CAMTA1: variants seen among roughly 807,000 people sequenced by gnomAD.
The protein encoded by CAMTA1 is calmodulin binding transcription activator 1, also known as calmodulin-binding transcription activator 1.
In CAMTA1, 27 loss-of-function variants were observed where a neutral mutation model predicts 170.9. The ratio of observed to expected loss-of-function variants is 0.16; its 90% CI spans 0.12 to 0.22. CAMTA1 has a LOEUF of 0.22. Among genes scored for constraint, CAMTA1 ranks in the 10% least tolerant of loss-of-function variants. CAMTA1 has a pLI of 1.00. For missense variants in CAMTA1, 1,619 were observed against 2,217.2 expected (o/e 0.73, Z 5.42); for synonymous variants, 833 against 891.5 (o/e 0.93, Z 1.17).
intron 3 of CAMTA1, among the ~76,000 whole-genome samples, chr1:7,004,460 A>T (rs1698685854): frequency 6.6e-6 from 1 of 152,092 alleles, no homozygotes; most frequent in Non-Finnish European, 1.5e-5. Context: ...GTCCCATTTT[A>T]TTGCTAGAAT....
chr1:7,666,935 C>G (rs1341209300), intron 9 of CAMTA1, among the ~76,000 whole-genome samples: 1 of 152,126 alleles, frequency 6.6e-6, no homozygotes, highest in Admixed American at 6.5e-5. Context: ...TTTGCCCAGG[C>G]TGGAGTGCAA....
At chr1:6,923,850 G>C (rs1258338029) in intron 3 of CAMTA1, among the ~76,000 whole-genome samples, 3 of 152,194 alleles carry the variant, frequency 2.0e-5, no homozygotes, top group Admixed American at 6.5e-5. Context: ...TCCTCTCTCT[G>C]AATCCCCTAG....
intron 6 of CAMTA1, among the ~76,000 whole-genome samples, chr1:7,511,956 A>C (rs1017673040): frequency 2.0e-5 from 3 of 152,176 alleles, no homozygotes; most frequent in Non-Finnish European, 4.4e-5. Flanking sequence ...AGGTTCCTAG[A>C]ATTTCTAATC....
At chr1:6,954,903 C>T (rs1689172842) in intron 3 of CAMTA1, among the ~76,000 whole-genome samples, 1 of 152,132 alleles carries the variant, frequency 6.6e-6, no homozygotes, top group Admixed American at 6.5e-5. Context: ...CTCCCCTTCT[C>T]AAGACCACCC....
In CAMTA1 at chr1:7,092,989, A is replaced by G. The variant is rs1641659040; in HGVS notation, c.302+1618A>G. Among the ~76,000 whole-genome samples, 1 of 152,174 alleles carries G rather than the reference A, an allele frequency of 6.6e-6. No homozygotes were observed. The highest frequency in any genetic ancestry group is 1.5e-5 in the Non-Finnish European group (1 of 68,024). Reference sequence around the variant, plus strand: ...AGTCCCCTGGCCAAGCCCAGTAAGAATGGGGCTGGGAAGGACATCCCTCCA... The same window carrying G: ...AGTCCCCTGGCCAAGCCCAGTAAGAGTGGGGCTGGGAAGGACATCCCTCCA... On this transcript the variant is annotated intron_variant, in intron 4 of 22. Coordinates refer to ENST00000303635, the MANE Select transcript of CAMTA1 (RefSeq NM_015215.4). This position sits in a 1 kb window ranked among gnomAD's most constrained non-coding sequence, Gnocchi z 5.0.
In CAMTA1 at chr1:7,680,152, G is replaced by A. The variant is rs1028595661; in HGVS notation, c.2914+2419G>A. 2 of 200,426 alleles carry A rather than the reference G, an allele frequency of 1.0e-5. No individual in the cohort carries two copies. Among genetic ancestry groups the A allele is most frequent in the Admixed American group, 5.9e-5 (1 of 16,828 alleles). 12.4% of individuals were successfully genotyped at this position (200,426 alleles called of 1,614,324 possible). On this transcript the variant is annotated intron_variant, in intron 11 of 22. Coordinates refer to ENST00000303635, the MANE Select transcript of CAMTA1 (RefSeq NM_015215.4). The surrounding 1 kb of genome is among the most constrained non-coding windows in gnomAD (Gnocchi z 4.4). Reference sequence around the variant, plus strand: ...GGGAGCGCGGGGGTCCCGGGCCTCTGGCCAGCCACGGGGCCTGGCCATGAA... The same window carrying A: ...GGGAGCGCGGGGGTCCCGGGCCTCTAGCCAGCCACGGGGCCTGGCCATGAA...
At chr1:7,210,241 C>T (rs1573916566) in intron 4 of CAMTA1, among the ~76,000 whole-genome samples, 1 of 152,196 alleles carries the variant, frequency 6.6e-6, no homozygotes, top group Non-Finnish European at 1.5e-5. Flanking sequence ...TCTCTGTAAT[C>T]GCCATCAATC....
At chr1:7,697,638 G>A (rs1221069142) in intron 11 of CAMTA1, among the ~76,000 whole-genome samples, 2 of 152,180 alleles carry the variant, frequency 1.3e-5, no homozygotes, top group Admixed American at 1.3e-4. Context: ...GGAATGGATG[G>A]GCCTGTGTCA....
chr1:7,193,788 T>C (rs1036658409), intron 4 of CAMTA1, among the ~76,000 whole-genome samples: 2 of 152,110 alleles, frequency 1.3e-5, no homozygotes, highest in African/African-American at 4.8e-5. Flanking sequence ...AAAGAAAATA[T>C]GAGGTTTGGA....
At chr1:6,966,609 A>G (rs1268240650) in intron 3 of CAMTA1, among the ~76,000 whole-genome samples, 1 of 29,144 alleles carries the variant, frequency 3.4e-5, no homozygotes, top group Non-Finnish European at 6.1e-5. Flanking sequence ...CACTTTTGAA[A>G]CCTTTTTTTT....
chr1:7,437,485 C>A (rs1331661290), intron 5 of CAMTA1, among the ~76,000 whole-genome samples: 2 of 152,196 alleles, frequency 1.3e-5, no homozygotes, highest in Non-Finnish European at 2.9e-5. Context: ...TGCCCACACT[C>A]CCTGCCGTGT....
intron 5 of CAMTA1, among the ~76,000 whole-genome samples, chr1:7,338,260 C>T (rs1247440716): frequency 1.3e-5 from 2 of 152,028 alleles, no homozygotes; most frequent in African/African-American, 4.8e-5. Context: ...GAGTGCACCC[C>T]CTTCCACAGA....
chr1:7,390,015 C>G (rs1276280172), intron 5 of CAMTA1, among the ~76,000 whole-genome samples: 1 of 152,208 alleles, frequency 6.6e-6, no homozygotes, highest in Non-Finnish European at 1.5e-5. Flanking sequence ...TGGCCTGGTG[C>G]CTGGCCTGCA....
At chr1:7,284,770 T>C (rs911882260) in intron 5 of CAMTA1, among the ~76,000 whole-genome samples, 1 of 152,198 alleles carries the variant, frequency 6.6e-6, no homozygotes, top group Non-Finnish European at 1.5e-5. Flanking sequence ...TGGAACACTT[T>C]CCTCGCTTTA....
chr1:6,992,229 C>T (rs1053568934), intron 3 of CAMTA1, among the ~76,000 whole-genome samples: 1 of 151,840 alleles, frequency 6.6e-6, no homozygotes, highest in East Asian at 2.0e-4. Context: ...ACCACCAGGC[C>T]GGCTAATTTT....
At chr1:7,332,150 G>T (rs2083074184) in intron 5 of CAMTA1, among the ~76,000 whole-genome samples, 1 of 152,310 alleles carries the variant, frequency 6.6e-6, no homozygotes, top group East Asian at 1.9e-4. Flanking sequence ...CTGGTGTGGG[G>T]CCTCTGAGGG....
chr1:7,410,558 A>G (rs2090639590), intron 5 of CAMTA1, among the ~76,000 whole-genome samples: 1 of 152,246 alleles, frequency 6.6e-6, no homozygotes. Context: ...GCAAAAAAGG[A>G]AAAGGAGACA....
At chr1:7,643,979 G>A (rs1042218789) in intron 7 of CAMTA1, among the ~76,000 whole-genome samples, 5 of 152,232 alleles carry the variant, frequency 3.3e-5, no homozygotes, top group African/African-American at 1.2e-4. Context: ...CCCAACACTG[G>A]AGCCAAACAC....
intron 5 of CAMTA1, among the ~76,000 whole-genome samples, chr1:7,354,182 T>C (rs2084919138): frequency 6.6e-6 from 1 of 151,680 alleles, no homozygotes; most frequent in Non-Finnish European, 1.5e-5. Context: ...AGAGTCTTGT[T>C]CTGTCGCCCA....
Sources: gnomAD v4.1 joint callset for allele counts (sites outside exome capture counted in the v4.1 genomes callset) on GRCh38, gnomAD v4.1.1 for gene constraint, Gnocchi (gnomAD v3.1) non-coding constraint, MANE v1.5 for transcripts, NCBI Gene and HGNC (gene_info 2026-07-23, HGNC 2026-07-21) for gene names.